Variants in PRAG1 observed in about 807,000 individuals in gnomAD.
PRAG1 encodes the protein PEAK1 related, kinase-activating pseudokinase 1.
Under a neutral mutation model 95.6 loss-of-function variants are expected in PRAG1, and 110 were observed. The ratio of observed to expected loss-of-function variants is 1.15; its 90% CI spans 0.99 to 1.35. The LOEUF (loss-of-function observed/expected upper bound fraction) is 1.35. Among genes scored for constraint, PRAG1 ranks in the 40% most tolerant of loss-of-function variants. The pLI is 0.00. For missense variants in PRAG1, 2,554 were observed against 1,864.7 expected (o/e 1.37, Z -6.81); for synonymous variants, 1,052 against 819.4 (o/e 1.28, Z -4.85).
intron 3 of PRAG1, among the ~76,000 whole-genome samples, chr8:8,356,536 T>A (rs191770950): frequency 1.3e-5 from 2 of 152,208 alleles, no homozygotes; most frequent in Admixed American, 1.3e-4. Flanking sequence ...TTTGTAGAGA[T>A]GAGGTTTCAT....
At position 8,318,426 on chromosome 8, in the gene PRAG1, G is replaced by A. The variant is rs1798349475; in HGVS notation, c.3949C>T (p.Arg1317Cys). ...AGCACGCGCTTGGCCTCGCCGATGCGGATACGCTTGATGGGGTCGGCCTCC... is the reference window on the plus strand; with the variant it reads ...AGCACGCGCTTGGCCTCGCCGATGCAGATACGCTTGATGGGGTCGGCCTCC... The part of the protein sequence containing the change: ...LLEADPIKRI[R>C]IGEAKRVLQC... Residue 1317 changes from arginine to cysteine, a missense_variant, in exon 6 of 6, where the codon CGC becomes TGC. By Grantham distance (180) the Arg-to-Cys change is radical. Coordinates refer to ENST00000615670, the MANE Select transcript of PRAG1 (RefSeq NM_001080826.3). This position sits in a 1 kb window ranked among gnomAD's most constrained non-coding sequence, Gnocchi z 4.2. 1.9e-6 allele frequency: 3 copies of A among 1,612,922 alleles called. No homozygotes were observed. Among genetic ancestry groups the A allele is most frequent in the Non-Finnish European group, 2.5e-6 (3 of 1,179,800 alleles).
At chr8:8,360,435 T>C (rs942969121) in intron 3 of PRAG1, among the ~76,000 whole-genome samples, 1 of 152,214 alleles carries the variant, frequency 6.6e-6, no homozygotes, top group African/African-American at 2.4e-5. Flanking sequence ...TTGCCTCCTC[T>C]AGAAAATCCT....
At chr8:8,383,539 C>T (rs1585287381) in intron 1 of PRAG1, among the ~76,000 whole-genome samples, 1 of 151,978 alleles carries the variant, frequency 6.6e-6, no homozygotes, top group Non-Finnish European at 1.5e-5. Flanking sequence ...CATGATCACA[C>T]CACTGCACTC....
chr8:8,330,977 C>A (rs1798802074), intron 4 of PRAG1, among the ~76,000 whole-genome samples: 1 of 152,330 alleles, frequency 6.6e-6, no homozygotes, highest in African/African-American at 2.4e-5. Flanking sequence ...CGTGAGCACA[C>A]ATCCACTTCC....
Position 8,377,492 on chromosome 8 carries a change from C to G in PRAG1, c.917G>C (p.Ser306Thr). The G allele has an allele frequency of 6.4e-7, 1 of 1,552,006 alleles. No homozygotes were observed. Among genetic ancestry groups the G allele is most frequent in the Non-Finnish European group, 8.7e-7 (1 of 1,149,572 alleles). Residue 306 changes from serine (S) to threonine (T), a missense_variant, in exon 3 of 6, where the codon AGC becomes ACC. Coordinates refer to ENST00000615670, the MANE Select transcript of PRAG1 (RefSeq NM_001080826.3). ...GPAEQEKRGP[S>T]FPKECCSQGP... ...CTGGCTACAGCACTCCTTGGGGAAG[C>G]TCGGGCCCCGCTTCTCCTGCTCTGC...
At chr8:8,330,233 G>C (rs767093953) in intron 4 of PRAG1, among the ~76,000 whole-genome samples, 9 of 152,178 alleles carry the variant, frequency 5.9e-5, no homozygotes, top group Non-Finnish European at 1.0e-4. Flanking sequence ...GGGCGTGGTG[G>C]TGCATGCCTA....
intron 3 of PRAG1, among the ~76,000 whole-genome samples, chr8:8,375,156 G>T (rs1419456530): frequency 1.3e-5 from 2 of 151,676 alleles, no homozygotes; most frequent in Non-Finnish European, 2.9e-5. Context: ...GAAGCAGTAG[G>T]GAAAACTGAG....
intron 3 of PRAG1, among the ~76,000 whole-genome samples, chr8:8,366,227 G>C (rs1800000267): frequency 1.3e-5 from 2 of 151,842 alleles, no homozygotes; most frequent in Non-Finnish European, 2.9e-5. Flanking sequence ...TCTAAAATTA[G>C]AGTCTCTATT....
chr8:8,356,006 A>C (rs1799668817), intron 3 of PRAG1, among the ~76,000 whole-genome samples: 1 of 152,236 alleles, frequency 6.6e-6, no homozygotes, highest in Non-Finnish European at 1.5e-5. Flanking sequence ...ACTGGGAAAA[A>C]ATGTTTGCAA....
rs1030902040 is a variant in PRAG1 at position 8,374,675 on chromosome 8, C to A, written c.2162+1572G>T. On this transcript the variant is annotated intron_variant, in intron 3 of 5. Transcript: ENST00000615670. ...TTAGCTGCTGAATCTCTCATTCATT[C>A]GGGGACTACACGCGGCTGCCAAAGA... The A allele has an allele frequency of 1.4e-5, 14 of 985,218 alleles. No homozygotes were observed. The South Asian group carries it at 6.6e-4, about 46-fold the overall frequency. 61.0% of individuals were successfully genotyped at this position (985,218 alleles called of 1,614,324 possible).
chr8:8,347,437 C>G (rs555805787), intron 3 of PRAG1, among the ~76,000 whole-genome samples: 36 of 152,364 alleles, frequency 2.4e-4, no homozygotes, highest in African/African-American at 8.7e-4. Context: ...CTTTCAATCT[C>G]CAATTGTCTT....
chr8:8,372,700 G>C (rs1800249844), intron 3 of PRAG1, among the ~76,000 whole-genome samples: 1 of 152,218 alleles, frequency 6.6e-6, no homozygotes, highest in South Asian at 2.1e-4. Flanking sequence ...GGAGTTTACA[G>C]AGGACAATAT....
intron 4 of PRAG1, among the ~76,000 whole-genome samples, chr8:8,338,150 A>AT (rs1281837458): frequency 6.6e-6 from 1 of 152,194 alleles, no homozygotes; most frequent in African/African-American, 2.4e-5. Context: ...GGAAGCCTTT[A>AT]TAAGAAGCAC....
chr8:8,335,319 G>C (rs1191928216), intron 4 of PRAG1, among the ~76,000 whole-genome samples: 1 of 152,046 alleles, frequency 6.6e-6, no homozygotes, highest in Non-Finnish European at 1.5e-5. Flanking sequence ...ATAATATAAT[G>C]AAAAATAAGC....
chr8:8,349,727 T>C (rs749058056), intron 3 of PRAG1, among the ~76,000 whole-genome samples: 2 of 152,166 alleles, frequency 1.3e-5, no homozygotes, highest in Non-Finnish European at 2.9e-5. Context: ...TTAGGATGCA[T>C]AAATATAGGA....
intron 1 of PRAG1, among the ~76,000 whole-genome samples, chr8:8,383,967 C>T (rs1242035062): frequency 6.6e-6 from 1 of 152,194 alleles, no homozygotes; most frequent in African/African-American, 2.4e-5. Context: ...TGAAGACTGT[C>T]TACACCTTCT....
rs1230591976 is a variant in PRAG1 at position 8,376,855 on chromosome 8, C to T, written c.1554G>A (p.Ser518=). 8.7e-6 allele frequency: 14 copies of T among 1,613,076 alleles called. No individual in the cohort carries two copies. The highest frequency in any genetic ancestry group is 3.3e-5 in the South Asian group (3 of 91,084). Residue 518 remains serine (S), a synonymous_variant, in exon 3 of 6, where the codon TCG becomes TCA. Transcript: ENST00000615670. Reference sequence around the variant, plus strand: ...CCCTGGAGCTCAGCCCCTGCCCAGCCGAAGTCTCCTCTTCACCTACCTCGG... The same window carrying T: ...CCCTGGAGCTCAGCCCCTGCCCAGCTGAAGTCTCCTCTTCACCTACCTCGG... ...QNSEVGEEET[S]AGQGLSSRES...
chr8:8,325,975 T>A (rs892764660), intron 5 of PRAG1, among the ~76,000 whole-genome samples: 9 of 151,048 alleles, frequency 6.0e-5, no homozygotes, highest in Non-Finnish European at 1.0e-4. Context: ...CCTTACTTCT[T>A]GCAGAAGGGT....
rs749305020 is a variant in PRAG1, at chr8:8,376,228, G to T, written c.2162+19C>A. The T allele has an allele frequency of 2.5e-6, 4 of 1,605,410 alleles. No homozygotes were observed. Among genetic ancestry groups the T allele is most frequent in the Non-Finnish European group, 3.4e-6 (4 of 1,175,914 alleles). ...CCTTTGCCCTGCAGACAGAGTCCCA[G>T]GCAGACAATGGTACTCACCGCGACT... On this transcript the variant is annotated intron_variant, in intron 3 of 5. Coordinates refer to ENST00000615670, the MANE Select transcript of PRAG1 (RefSeq NM_001080826.3).
Sources: gnomAD v4.1 joint callset for allele counts (sites outside exome capture counted in the v4.1 genomes callset) on GRCh38, gnomAD v4.1.1 for gene constraint, Gnocchi (gnomAD v3.1) non-coding constraint, MANE v1.5 for transcripts, NCBI Gene and HGNC (gene_info 2026-07-23, HGNC 2026-07-21) for gene names.